MACROH2A2: variants seen among roughly 807,000 people sequenced by gnomAD.
MACROH2A2 encodes the protein macroH2A.2 histone.
A neutral mutation model predicts 37.6 loss-of-function variants in MACROH2A2; 6 were observed. The ratio of observed to expected loss-of-function variants is 0.16; its 90% CI spans 0.09 to 0.32. The LOEUF is 0.32. Ranked by LOEUF, MACROH2A2 falls within the 10% of genes least tolerant of loss-of-function variation. The pLI, the probability that MACROH2A2 is intolerant of heterozygous loss-of-function variation, is 1.00. For synonymous variants in MACROH2A2, 192 were observed against 202.7 expected (o/e 0.95, Z 0.45); for missense variants, 290 against 485.9 (o/e 0.60, Z 3.79).
intron 4 of MACROH2A2, among the ~76,000 whole-genome samples, chr10:70,092,783 A>G (rs1172760422): frequency 6.6e-6 from 1 of 152,154 alleles, no homozygotes; most frequent in Non-Finnish European, 1.5e-5. Flanking sequence ...AGGAACCTGC[A>G]TTTTATTTCT....
intron 6 of MACROH2A2, chr10:70,099,560 G>A (rs975484134): frequency 2.0e-5 from 3 of 152,338 alleles, no homozygotes; most frequent in Non-Finnish European, 2.9e-5. Flanking sequence ...GGTGCACACC[G>A]ACAGGGTTCC....
chr10:70,086,784 T>A (rs940429450), intron 2 of MACROH2A2, among the ~76,000 whole-genome samples: 1 of 152,032 alleles, frequency 6.6e-6, no homozygotes, highest in Non-Finnish European at 1.5e-5. Context: ...ATGAGTGGAG[T>A]GCTTCTTCCT....
chr10:70,111,542 G>C lies in MACROH2A2; in HGVS notation c.978G>C (p.Ala326=). ...GAAACTGCTTTCCCAAACAGACTGC[G>C]GCCCAGGTGACCCTCAAAGCCATCT... The part of the protein sequence containing the change: ...SGRNCFPKQT[A]AQVTLKAISA... Residue 326 remains alanine, a synonymous_variant, in exon 9 of 9, where the codon GCG becomes GCC. Transcript: ENST00000373255. 6.2e-7 allele frequency: 1 copy of C among 1,613,536 alleles called. No individual in the cohort carries two copies.
At chr10:70,055,017 G>A (rs7079904) in intron 1 of MACROH2A2, among the ~76,000 whole-genome samples, 66,958 of 152,040 alleles carry the variant, frequency 0.44, 14,833 homozygotes, top group South Asian at 0.54. Context: ...GAGTGTCCCT[G>A]TGATTCTGAC....
intron 1 of MACROH2A2, among the ~76,000 whole-genome samples, chr10:70,060,866 C>A (rs1303973399): frequency 3.3e-5 from 5 of 151,702 alleles, no homozygotes; most frequent in Non-Finnish European, 7.4e-5. Flanking sequence ...TGCCTGTAAT[C>A]TCAGCACTTT....
rs1191945088 is a variant in MACROH2A2, at chr10:70,075,459, C to T, written c.-59-141C>T. 5 of 578,720 alleles carry T rather than the reference C, an allele frequency of 8.6e-6. No individual in the cohort carries two copies. Among genetic ancestry groups the T allele is most frequent in the Non-Finnish European group, 1.5e-5 (5 of 323,464 alleles). The allele number at this position is 578,720 out of a possible 1,614,324, so 35.8% of individuals were successfully genotyped here. ...AGACCCCATGCCTGACTCCGTGCCT[C>T]CTGCACCTGCAGTAGCAGCCAGATT... On this transcript the variant is annotated intron_variant, in intron 1 of 8. Coordinates refer to ENST00000373255, the MANE Select transcript of MACROH2A2 (RefSeq NM_018649.3). The surrounding 1 kb of genome is among the most constrained non-coding windows in gnomAD (Gnocchi z 5.0).
intron 7 of MACROH2A2, among the ~76,000 whole-genome samples, chr10:70,104,280 G>A (rs1407937686): frequency 6.6e-6 from 1 of 151,242 alleles, no homozygotes; most frequent in African/African-American, 2.4e-5. Flanking sequence ...GGGCACATTA[G>A]TATAACAGCA....
At chr10:70,093,690 T>C (rs754146722) in intron 4 of MACROH2A2, 45 bp from the exon 5 acceptor site, 1 of 1,080,656 alleles carries the variant, frequency 9.3e-7, no homozygotes, top group East Asian at 2.4e-5. Context: ...ACCTCAGGCT[T>C]TTTCTGGATT....
At chr10:70,055,819 C>T (rs2072012773) in intron 1 of MACROH2A2, among the ~76,000 whole-genome samples, 1 of 152,128 alleles carries the variant, frequency 6.6e-6, no homozygotes, top group Non-Finnish European at 1.5e-5. Context: ...TCCGTGAGCT[C>T]AGCATGTATA....
At chr10:70,074,999 T>G (rs2072132176) in intron 1 of MACROH2A2, among the ~76,000 whole-genome samples, 1 of 152,236 alleles carries the variant, frequency 6.6e-6, no homozygotes. Context: ...CAAATTTATT[T>G]TCTTATAGTT....
chr10:70,079,242 C>T (rs977694032), intron 2 of MACROH2A2, among the ~76,000 whole-genome samples: 1 of 151,872 alleles, frequency 6.6e-6, no homozygotes, highest in African/African-American at 2.4e-5. Flanking sequence ...ATCCTGATGC[C>T]TGGGTCCCAC....
intron 2 of MACROH2A2, among the ~76,000 whole-genome samples, chr10:70,083,589 T>C (rs1275362932): frequency 1.3e-5 from 2 of 151,550 alleles, no homozygotes; most frequent in Non-Finnish European, 2.9e-5. Flanking sequence ...GACAACACAG[T>C]CAAAAAAGGA....
chr10:70,073,692 A>G (rs973558305), intron 1 of MACROH2A2, among the ~76,000 whole-genome samples: 6 of 152,206 alleles, frequency 3.9e-5, no homozygotes, highest in African/African-American at 1.4e-4. Context: ...AGCTTTTAAT[A>G]TAGTCTCCTT....
intron 1 of MACROH2A2, among the ~76,000 whole-genome samples, chr10:70,071,544 A>G (rs2072110209): frequency 6.6e-6 from 1 of 152,188 alleles, no homozygotes; most frequent in South Asian, 2.1e-4. Flanking sequence ...TCACATAACT[A>G]CAGTCATGCA....
chr10:70,078,865 T>G (rs1396658943), intron 2 of MACROH2A2, among the ~76,000 whole-genome samples: 1 of 152,236 alleles, frequency 6.6e-6, no homozygotes, highest in Non-Finnish European at 1.5e-5. Flanking sequence ...TTGGTTTGTT[T>G]GTTTTTTAAA....
At chr10:70,058,737 T>G (rs2072031977) in intron 1 of MACROH2A2, among the ~76,000 whole-genome samples, 1 of 152,118 alleles carries the variant, frequency 6.6e-6, no homozygotes, top group African/African-American at 2.4e-5. Context: ...ATAGTGGTGG[T>G]GGACCACAAA....
chr10:70,106,713 G>A (rs1264284371), intron 7 of MACROH2A2, among the ~76,000 whole-genome samples: 5 of 146,892 alleles, frequency 3.4e-5, no homozygotes, highest in African/African-American at 7.6e-5. Flanking sequence ...CAGGAGAATC[G>A]AATCGCTTGA....
At chr10:70,066,748 T>G (rs1300486508) in intron 1 of MACROH2A2, among the ~76,000 whole-genome samples, 1 of 152,170 alleles carries the variant, frequency 6.6e-6, no homozygotes, top group African/African-American at 2.4e-5. Flanking sequence ...AAATCAATAC[T>G]TGCGGCACTT....
chr10:70,073,801 C>T (rs1263100258), intron 1 of MACROH2A2, among the ~76,000 whole-genome samples: 1 of 152,160 alleles, frequency 6.6e-6, no homozygotes, highest in Non-Finnish European at 1.5e-5. Flanking sequence ...TTCATATTAA[C>T]CAAGCATTCA....
Sources: allele counts gnomAD v4.1 joint callset (sites outside exome capture counted in the v4.1 genomes callset), GRCh38; gene constraint gnomAD v4.1.1; non-coding constraint Gnocchi (gnomAD v3.1); transcripts MANE v1.5; gene names NCBI Gene and HGNC (gene_info 2026-07-23, HGNC 2026-07-21).